Variants in KCNMA1 observed in about 807,000 individuals in gnomAD.
KCNMA1 encodes potassium calcium-activated channel subfamily M alpha 1.
KCNMA1 carries 29 observed loss-of-function variants against 140.0 expected under a neutral mutation model. That is an observed-to-expected ratio of 0.21 (90% CI 0.15 to 0.28). The LOEUF is 0.28. Ranked by LOEUF, KCNMA1 falls within the 10% of genes least tolerant of loss-of-function variation. The pLI is 1.00. For synonymous variants in KCNMA1, 612 were observed against 611.9 expected, an observed-to-expected ratio of 1.00 and a Z score of 0.00; for missense variants, 880 against 1,602.2, an observed-to-expected ratio of 0.55 and a Z score of 7.70.
chr10:77,061,915 G>A (rs1221775686), intron 14 of KCNMA1, among the ~76,000 whole-genome samples: 1 of 152,168 alleles, frequency 6.6e-6, no homozygotes, highest in African/African-American at 2.4e-5. Context: ...AAGGTTACAT[G>A]CTCCATGATG....
chr10:77,448,524 A>G (rs2097570317), intron 1 of KCNMA1, among the ~76,000 whole-genome samples: 1 of 152,192 alleles, frequency 6.6e-6, no homozygotes. Context: ...TGAGACAATC[A>G]AGACTCGCAA....
chr10:77,212,031 A>G lies in KCNMA1; in HGVS notation c.603-27115T>C, dbSNP rs141276857. ...AATTTGTTCAGCCAATGTGGAAAGC[A>G]GTTTGGAAATTTCTCAAAACACTTA... On this transcript the variant is annotated intron_variant, in intron 3 of 27. Coordinates refer to ENST00000286628, the MANE Select transcript of KCNMA1 (RefSeq NM_001161352.2). Among the ~76,000 whole-genome samples the G allele has an allele frequency of 3.4e-4, 52 of 152,332 alleles. No homozygotes were observed. In the East Asian group the frequency reaches 6.2e-3, roughly 18 times the overall value.
chr10:77,171,132 C>A (rs723201), intron 5 of KCNMA1, among the ~76,000 whole-genome samples: 1 of 152,052 alleles, frequency 6.6e-6, no homozygotes, highest in African/African-American at 2.4e-5. Context: ...GCCCCCAGAT[C>A]AGCAGCAGCA....
chr10:77,401,870 G>A (rs148869854), intron 2 of KCNMA1, among the ~76,000 whole-genome samples: 9 of 152,178 alleles, frequency 5.9e-5, no homozygotes, highest in African/African-American at 1.7e-4. Context: ...AGTGCACACC[G>A]TGTTTGTACT....
intron 19 of KCNMA1, among the ~76,000 whole-genome samples, chr10:76,980,842 G>T (rs1386160904): frequency 2.0e-5 from 3 of 152,170 alleles, no homozygotes; most frequent in African/African-American, 7.2e-5. Context: ...TACTCACATT[G>T]AGTGGGTAGA....
chr10:77,431,756 G>C (rs2097159262), intron 1 of KCNMA1, among the ~76,000 whole-genome samples: 1 of 150,588 alleles, frequency 6.6e-6, no homozygotes, highest in Non-Finnish European at 1.5e-5. Flanking sequence ...CCAAAACTTT[G>C]GGAAGCCGAT....
chr10:77,207,343 C>A (rs2044477325), intron 3 of KCNMA1, among the ~76,000 whole-genome samples: 1 of 152,140 alleles, frequency 6.6e-6, no homozygotes, highest in Non-Finnish European at 1.5e-5. Context: ...AAAATGGACT[C>A]TGGATTCAGA....
rs116867653 is a variant in KCNMA1 at position 77,571,424 on chromosome 10, G to A, written c.378+65841C>T. Among the ~76,000 whole-genome samples the A allele has an allele frequency of 3.3e-3, 496 of 152,268 alleles. 8 individuals are homozygous for A. The highest frequency in any genetic ancestry group is 0.025 in the South Asian group (122 of 4,832). ...AACTACCTCCAGTTAATTTTGCAGC[G>A]TGGAGTCTCCTGGGTCACCCAGGCA... On this transcript the variant is annotated intron_variant, in intron 1 of 27. Coordinates refer to ENST00000286628, the MANE Select transcript of KCNMA1 (RefSeq NM_001161352.2).
At chr10:77,277,084 T>C (rs1268077745) in intron 2 of KCNMA1, among the ~76,000 whole-genome samples, 2 of 152,184 alleles carry the variant, frequency 1.3e-5, no homozygotes, top group South Asian at 2.1e-4. Flanking sequence ...TCATTGTCTC[T>C]GCCCTGAGAT....
intron 1 of KCNMA1, among the ~76,000 whole-genome samples, chr10:77,404,692 C>G: frequency 6.6e-6 from 1 of 152,284 alleles, no homozygotes. Flanking sequence ...CCCCTTTTCA[C>G]AGCAGCACCC....
intron 1 of KCNMA1, among the ~76,000 whole-genome samples, chr10:77,496,095 C>T (rs1225142404): frequency 6.6e-6 from 1 of 152,186 alleles, no homozygotes; most frequent in Non-Finnish European, 1.5e-5. Context: ...CATTTCTTCT[C>T]CAGAGCCCCT....
At chr10:77,375,998 C>T (rs1160088955) in intron 2 of KCNMA1, among the ~76,000 whole-genome samples, 1 of 152,152 alleles carries the variant, frequency 6.6e-6, no homozygotes, top group Non-Finnish European at 1.5e-5. Context: ...GCTTACCTTC[C>T]AAGAACCCTA....
chr10:77,209,173 G>A (rs1335087169), intron 3 of KCNMA1, among the ~76,000 whole-genome samples: 2 of 152,092 alleles, frequency 1.3e-5, no homozygotes, highest in Non-Finnish European at 2.9e-5. Flanking sequence ...CTCAGCCTAG[G>A]GGAGCTATCA....
At chr10:77,316,026 T>C (rs2080781931) in intron 2 of KCNMA1, among the ~76,000 whole-genome samples, 1 of 152,144 alleles carries the variant, frequency 6.6e-6, no homozygotes, top group Non-Finnish European at 1.5e-5. Flanking sequence ...CAGTGTGGGA[T>C]TCAGAAGAGC....
intron 1 of KCNMA1, among the ~76,000 whole-genome samples, chr10:77,506,494 C>CAGAGAGAGAA (rs959821971): frequency 1.3e-5 from 2 of 148,510 alleles, no homozygotes; most frequent in African/African-American, 2.5e-5. Context: ...ATCAGAGAGA[C>CAGAGAGAGAA]AGAGAGAGAA....
At chr10:76,897,011 T>TACACACACACACACACACACACACAC (rs3067677) in intron 25 of KCNMA1, among the ~76,000 whole-genome samples, 1 of 142,718 alleles carries the variant, frequency 7.0e-6, no homozygotes, top group African/African-American at 2.6e-5. Context: ...AGGTGAAAAT[T>TACACACACACACACACACACACACAC]ACACACACAC....
chr10:77,524,051 T>C (rs1013951434), intron 1 of KCNMA1, among the ~76,000 whole-genome samples: 2 of 151,924 alleles, frequency 1.3e-5, no homozygotes, highest in South Asian at 2.1e-4. Flanking sequence ...AAACATCTCA[T>C]GGGCTCCATA....
intron 1 of KCNMA1, among the ~76,000 whole-genome samples, chr10:77,564,435 T>C (rs1211941801): frequency 1.3e-5 from 2 of 151,848 alleles, no homozygotes; most frequent in South Asian, 4.2e-4. Context: ...TAGCCAGGTA[T>C]TTTTTTTACA....
At chr10:77,625,085 C>T (rs537434546) in intron 1 of KCNMA1, among the ~76,000 whole-genome samples, 8 of 152,232 alleles carry the variant, frequency 5.3e-5, no homozygotes, top group Non-Finnish European at 7.4e-5. Flanking sequence ...TGGTGAAATA[C>T]ACAGAAGACA....
Sources: gnomAD v4.1 joint callset for allele counts (sites outside exome capture counted in the v4.1 genomes callset) on GRCh38, gnomAD v4.1.1 for gene constraint, MANE v1.5 for transcripts, NCBI Gene and HGNC (gene_info 2026-07-23, HGNC 2026-07-21) for gene names.